Variants in MKI67 observed in about 807,000 individuals in gnomAD.
MKI67 encodes proliferation marker protein Ki-67.
In MKI67, 152 loss-of-function variants were observed where a neutral mutation model predicts 233.5. The observed-to-expected ratio is 0.65, with a 90% CI of 0.57 to 0.74. The LOEUF is 0.74. Among genes scored for constraint, MKI67 ranks in the 30% least tolerant of loss-of-function variants. The probability of loss-of-function intolerance (pLI) is 0.00; values close to 1 mark genes in which losing one functional copy is unlikely to be tolerated. For missense variants in MKI67, 3,940 were observed against 3,885.2 expected (o/e 1.01, Z -0.37); for synonymous variants, 1,465 against 1,418.5 (o/e 1.03, Z -0.74).
In MKI67 at chr10:128,098,415, A is replaced by G. The variant is rs1207570672; in HGVS notation, c.*775T>C. Reference sequence around the variant, plus strand: ...ACTTCCGAAGCTTTCAATGACAGGAAAGCTGGAGATTAGGAGCCAGTTTGA... The same window carrying G: ...ACTTCCGAAGCTTTCAATGACAGGAGAGCTGGAGATTAGGAGCCAGTTTGA... On this transcript the variant is annotated 3_prime_UTR_variant, in exon 15 of 15. Transcript: ENST00000368654. The G allele has an allele frequency of 1.3e-5, 2 of 152,194 alleles. No homozygotes were observed. Among genetic ancestry groups the G allele is most frequent in the Non-Finnish European group, 2.9e-5 (2 of 68,042 alleles). The allele number at this position is 152,194 out of a possible 1,614,324, so 9.4% of individuals were successfully genotyped here.
Position 128,106,453 on chromosome 10 carries a change from TTGA to T in MKI67, c.5384_5386del (p.Ile1795del). 2 of 1,613,674 alleles carry T rather than the reference TTGA, an allele frequency of 1.2e-6. No individual in the cohort carries two copies. Among genetic ancestry groups the T allele is most frequent in the Non-Finnish European group, 1.7e-6 (2 of 1,179,936 alleles). ...CTGCACTGGAGTTCCCAAAAACGTG[TTGA>T]TGTCTTTCTCTTCACCTACTGCTGG... is the stretch of plus-strand genomic sequence containing the variant. On this transcript the variant is annotated inframe_deletion, in exon 13 of 15. Coordinates refer to ENST00000368654, the MANE Select transcript of MKI67 (RefSeq NM_002417.5).
Position 128,107,937 on chromosome 10 carries a change from T to C in MKI67, c.3903A>G (p.Pro1301=), listed in dbSNP as rs61729207. Reference sequence around the variant, plus strand: ...TGATGTCTTTCTCTTCACCTACTGATGGTTTAGGCGTGTGCATGGCTTTGC... The same window carrying C: ...TGATGTCTTTCTCTTCACCTACTGACGGTTTAGGCGTGTGCATGGCTTTGC... ...SAGKAMHTPK[P]SVGEEKDIII... The change falls in exon 13 of 15, where the codon CCA becomes CCG. Residue 1301 remains proline (P), a synonymous_variant. Transcript: ENST00000368654. The C allele has an allele frequency of 1.2e-3, 1,954 of 1,613,618 alleles. 27 individuals carry two copies. The African/African-American group carries it at 0.022, about 18-fold the overall frequency.
intron 4 of MKI67, 24 bp from the exon 5 acceptor site, chr10:128,119,343 A>T: frequency 6.5e-7 from 1 of 1,540,472 alleles, no homozygotes; most frequent in East Asian, 2.2e-5. Context: ...AACGACAAAG[A>T]TCCTGATTAA....
Position 128,105,052 on chromosome 10 carries a change from C to T in MKI67, c.6788G>A (p.Gly2263Glu). 6.2e-7 allele frequency: 1 copy of T among 1,613,602 alleles called. No individual in the cohort carries two copies. Among genetic ancestry groups the T allele is most frequent in the African/African-American group, 1.3e-5 (1 of 74,828 alleles). Residue 2263 changes from glycine to glutamate, a missense_variant, in exon 13 of 15, where the codon GGG becomes GAG. Coordinates refer to ENST00000368654, the MANE Select transcript of MKI67 (RefSeq NM_002417.5). Reference sequence around the variant, plus strand: ...TGGTTTGGGTGTGTCCATAGCTTTCCCTACTGATGGTGTTCGTTTCCTGAG... The same window carrying T: ...TGGTTTGGGTGTGTCCATAGCTTTCTCTACTGATGGTGTTCGTTTCCTGAG... ...LALRKRTPSV[G>E]KAMDTPKPAG...
At position 128,106,517 on chromosome 10, in the gene MKI67, T is replaced by C. The variant is rs775979934; in HGVS notation, c.5323A>G (p.Thr1775Ala). The C allele has an allele frequency of 2.6e-5, 42 of 1,614,030 alleles. No individual in the cohort carries two copies. In the South Asian group the frequency reaches 4.4e-4, roughly 17 times the overall value. Residue 1775 changes from threonine (T) to alanine (A), a missense_variant, in exon 13 of 15, where the codon ACG becomes GCG. Physicochemically the swap from Thr to Ala is moderately conservative, Grantham distance 58. Transcript: ENST00000368654. ...TGCATGGCTTTGCCTGCTGATGGCG[T>C]TTGTTTCCTAAATGCTAAAAATTCT... The part of the protein sequence containing the change: ...EEEFLAFRKQ[T>A]PSAGKAMHTP...
chr10:128,109,960 C>T (rs769604104), intron 12 of MKI67, among the ~76,000 whole-genome samples: 7 of 152,176 alleles, frequency 4.6e-5, no homozygotes, highest in African/African-American at 7.2e-5. Context: ...ACACTTACCC[C>T]GGGCCTGCTC....
At position 128,108,965 on chromosome 10, in the gene MKI67, C is replaced by A; in HGVS notation, c.2875G>T (p.Ala959Ser). The A allele has an allele frequency of 6.2e-7, 1 of 1,614,204 alleles. No homozygotes were observed. Among genetic ancestry groups the A allele is most frequent in the Non-Finnish European group, 8.5e-7 (1 of 1,180,038 alleles). Residue 959 changes from alanine (A) to serine (S), a missense_variant, in exon 13 of 15, where the codon GCA (alanine) becomes TCA (serine). Physicochemically the swap from Ala to Ser is moderately conservative, Grantham distance 99 (BLOSUM62 1). Coordinates refer to ENST00000368654, the MANE Select transcript of MKI67 (RefSeq NM_002417.5). ...KRSRTWGQKC[A>S]PMSDLTDLKS... ...AGGTCTGTCAGGTCAGACATTGGTG[C>A]ACATTTCTGCCCCCAAGTTCTTGAT...
In MKI67 at chr10:128,104,135, G is replaced by C. The variant is rs1852414512; in HGVS notation, c.7705C>G (p.Pro2569Ala). The C allele has an allele frequency of 6.2e-7, 1 of 1,614,078 alleles. No individual in the cohort carries two copies. Among genetic ancestry groups the C allele is most frequent in the South Asian group, 1.1e-5 (1 of 91,082 alleles). ...GTCATTGACTCTTCAGTGTGACCTG[G>C]TGCTGAGAAGAGCTCTTTGAAGTCA... ...LVDFKELFSA[P>A]GHTEESMTID... Residue 2569 changes from proline (P) to alanine (A), a missense_variant, in exon 13 of 15, where the codon CCA becomes GCA. Coordinates refer to ENST00000368654, the MANE Select transcript of MKI67 (RefSeq NM_002417.5).
Position 128,123,124 on chromosome 10 carries a change from T to C in MKI67, c.138A>G (p.Lys46=). The change falls in exon 3 of 15, where the codon AAA becomes AAG. Residue 46 remains lysine (K), a synonymous_variant. Coordinates refer to ENST00000368654, the MANE Select transcript of MKI67 (RefSeq NM_002417.5). ...CATGGATTTCAATTTTGCAATGTTG[T>C]TTTGACACAACAGGAAGCTGGATAC... is the stretch of plus-strand genomic sequence containing the variant. ...DIRIQLPVVS[K]QHCKIEIHEQ... is the part of the protein sequence containing the mutation. 6.2e-7 allele frequency: 1 copy of C among 1,614,006 alleles called. No homozygotes were observed. Among genetic ancestry groups the C allele is most frequent in the South Asian group, 1.1e-5 (1 of 91,078 alleles).
rs773080435 is a variant in MKI67, at chr10:128,104,844, C to T, written c.6996G>A (p.Thr2332=). ...CTATTTTGGTAGTTTTCTCATCAGT[C>T]GTGGGCTTGTCAGTGCCTGGTGTCT... The part of the protein sequence containing the change: ...LFQTPGTDKP[T]TDEKTTKIAC... Residue 2332 remains threonine, a synonymous_variant, in exon 13 of 15, where the codon ACG becomes ACA. Coordinates refer to ENST00000368654, the MANE Select transcript of MKI67 (RefSeq NM_002417.5). 3.8e-5 allele frequency: 61 copies of T among 1,609,832 alleles called. No homozygotes were observed. Among genetic ancestry groups the T allele is most frequent in the Non-Finnish European group, 4.8e-5 (57 of 1,179,016 alleles).
At chr10:128,113,673 T>C (rs1025224268) in intron 7 of MKI67, 71 bp from the exon 8 acceptor site, 85 of 1,424,724 alleles carry the variant, frequency 6.0e-5, no homozygotes, top group Non-Finnish European at 7.8e-5. Context: ...TATTTCACGT[T>C]AGCATTAAAG....
In MKI67 at chr10:128,106,653, G is replaced by T. The variant is rs1894410; in HGVS notation, c.5187C>A (p.Asn1729Lys). The T allele has an allele frequency of 3.1e-6, 5 of 1,613,998 alleles. No homozygotes were observed. In the South Asian group the frequency reaches 3.3e-5, roughly 11 times the overall value. ...TGTAGGATACTTTGGTAGTTTTTTC[G>T]TTAGTCATTGATTCCTTAGTGTGAC... ...TPSHTKESMT[N>K]EKTTKVSYRA... Residue 1729 changes from asparagine to lysine, a missense_variant, in exon 13 of 15, where the codon AAC becomes AAA. Coordinates refer to ENST00000368654, the MANE Select transcript of MKI67 (RefSeq NM_002417.5).
At position 128,125,771 on chromosome 10, in the gene MKI67, C is replaced by T. The variant is rs745661060; in HGVS notation, c.-89-15G>A. ...CAACTCTTCCACTGCAAAAGAGGTGCGAGTTACTCTGATAGCAAAGGAGCT... is the reference window on the plus strand; with the variant it reads ...CAACTCTTCCACTGCAAAAGAGGTGTGAGTTACTCTGATAGCAAAGGAGCT... On this transcript the variant is annotated splice_polypyrimidine_tract_variant and intron_variant, in intron 1 of 14. Coordinates refer to ENST00000368654, the MANE Select transcript of MKI67 (RefSeq NM_002417.5). This position sits in a 1 kb window ranked among gnomAD's most constrained non-coding sequence, Gnocchi z 5.3. 221 of 952,526 alleles carry T rather than the reference C, an allele frequency of 2.3e-4. 1 individual carries two copies. Among genetic ancestry groups the T allele is most frequent in the Middle Eastern group, 6.4e-4 (3 of 4,670 alleles). The allele number at this position is 952,526 out of a possible 1,614,324, so 59.0% of individuals were successfully genotyped here. A position where few individuals can be genotyped will look rare whatever the true frequency, so the allele number is the denominator to read the frequency against.
At chr10:128,116,563 T>C in intron 5 of MKI67, 27 bp from the exon 6 acceptor site, 1 of 1,596,190 alleles carries the variant, frequency 6.3e-7, no homozygotes, top group Admixed American at 1.7e-5. Context: ...TAAGAACAGT[T>C]ATTTGCAGGT....
chr10:128,118,131 C>A (rs1260233265), intron 5 of MKI67, among the ~76,000 whole-genome samples: 1 of 152,172 alleles, frequency 6.6e-6, no homozygotes, highest in Non-Finnish European at 1.5e-5. Context: ...GGCATGGTGG[C>A]TCAAGCCTGT....
chr10:128,111,445 T>A, intron 11 of MKI67, 200 bp downstream of exon 11: 1 of 539,164 alleles, frequency 1.9e-6, no homozygotes. Flanking sequence ...GGACATGTGA[T>A]CCCAAAAATT....
rs935219689 is a variant in MKI67 at position 128,101,400 on chromosome 10, C to G, written c.9563G>C (p.Gly3188Ala). 6.2e-7 allele frequency: 1 copy of G among 1,614,064 alleles called. No individual in the cohort carries two copies. The highest frequency in any genetic ancestry group is 1.3e-5 in the African/African-American group (1 of 74,916). The part of the protein sequence containing the change: ...SAKVLMQNQK[G>A]KGEAGNSDSM... The stretch of plus-strand genomic sequence containing the variant: ...GTCTGAATTTCCTGCTTCTCCTTTC[C>G]CTTTCTGATTCTGCATGAGAACCTT... The change falls in exon 14 of 15, where the codon GGG (glycine) becomes GCG (alanine). Residue 3188 changes from glycine to alanine, a missense_variant. Transcript: ENST00000368654.
rs748275875 is a variant in MKI67, at chr10:128,106,095, T to C, written c.5745A>G (p.Lys1915=). 3.1e-6 allele frequency: 5 copies of C among 1,613,932 alleles called. No homozygotes were observed. In the African/African-American group the frequency reaches 5.3e-5, roughly 17 times the overall value. The part of the protein sequence containing the change: ...HTPKAAVGEE[K]DINTFVGTPV... ...GAGTCCCCACAAATGTGTTGATGTC[T>C]TTCTCTTCACCTACTGCTGCTTTAG... Residue 1915 remains lysine (K), a synonymous_variant, in exon 13 of 15, where the codon AAA becomes AAG. Transcript: ENST00000368654.
Position 128,101,284 on chromosome 10 carries a change from T to C in MKI67, c.9679A>G (p.Lys3227Glu). 1 of 1,614,192 alleles carries C rather than the reference T, an allele frequency of 6.2e-7. No homozygotes were observed. The highest frequency in any genetic ancestry group is 8.5e-7 in the Non-Finnish European group (1 of 1,179,984). ...TTCTTTGGATTTTCTGCACACCTCT[T>C]GACACTCCGCGTTACTCTCTGCACA... ...KSVQRVTRSV[K>E]RCAENPKKAE... Residue 3227 changes from lysine (K) to glutamate (E), a missense_variant, in exon 14 of 15, where the codon AAG becomes GAG. By Grantham distance (56) the Lys-to-Glu change is moderately conservative. Coordinates refer to ENST00000368654, the MANE Select transcript of MKI67 (RefSeq NM_002417.5).
Sources: gnomAD v4.1 joint callset for allele counts (sites outside exome capture counted in the v4.1 genomes callset) on GRCh38, gnomAD v4.1.1 for gene constraint, Gnocchi (gnomAD v3.1) non-coding constraint, MANE v1.5 for transcripts, NCBI Gene and HGNC (gene_info 2026-07-23, HGNC 2026-07-21) for gene names.